ADAMTS3: variants seen among roughly 807,000 people sequenced by gnomAD.
ADAMTS3 encodes the protein A disintegrin and metalloproteinase with thrombospondin motifs 3.
ADAMTS3 carries 73 observed loss-of-function variants against 129.0 expected under a neutral mutation model. That is an observed-to-expected ratio of 0.57 (90% CI 0.47 to 0.69). The LOEUF (loss-of-function observed/expected upper bound fraction) is 0.69. Ranked by LOEUF, ADAMTS3 falls within the 30% of genes least tolerant of loss-of-function variation. ADAMTS3 has a pLI of 0.00. For missense variants in ADAMTS3, 1,457 were observed against 1,514.5 expected (o/e 0.96, Z 0.63); for synonymous variants, 477 against 510.8 (o/e 0.93, Z 0.89).
At chr4:72,415,528 T>C (rs1371306472) in intron 3 of ADAMTS3, among the ~76,000 whole-genome samples, 26 of 152,044 alleles carry the variant, frequency 1.7e-4, no homozygotes, top group Non-Finnish European at 7.4e-5. Flanking sequence ...TTCTAAAGTT[T>C]ATTCATTTGA....
At chr4:72,373,257 G>T (rs890971028) in intron 4 of ADAMTS3, among the ~76,000 whole-genome samples, 1 of 152,098 alleles carries the variant, frequency 6.6e-6, no homozygotes, top group Non-Finnish European at 1.5e-5. Flanking sequence ...TGACAAAAAA[G>T]CCAACAGAAG....
intron 3 of ADAMTS3, among the ~76,000 whole-genome samples, chr4:72,443,376 A>T (rs1177918960): frequency 6.6e-6 from 1 of 151,746 alleles, no homozygotes; most frequent in African/African-American, 2.4e-5. Context: ...AGTTGTATAT[A>T]CTGTTTAGTA....
At chr4:72,360,024 CA>C (rs1266033637) in intron 4 of ADAMTS3, among the ~76,000 whole-genome samples, 1 of 151,946 alleles carries the variant, frequency 6.6e-6, no homozygotes, top group Non-Finnish European at 1.5e-5. Context: ...ATGGAAAAGG[CA>C]ATTGTGGTTT....
intron 4 of ADAMTS3, among the ~76,000 whole-genome samples, chr4:72,347,795 C>A (rs530385942): frequency 6.6e-6 from 1 of 152,084 alleles, no homozygotes; most frequent in African/African-American, 2.4e-5. Context: ...TACTAGATTA[C>A]ATTCTAGTAA....
At chr4:72,513,143 A>G (rs1168985909) in intron 3 of ADAMTS3, among the ~76,000 whole-genome samples, 1 of 152,144 alleles carries the variant, frequency 6.6e-6, no homozygotes, top group Non-Finnish European at 1.5e-5. Flanking sequence ...CTGTCTTCTA[A>G]ACATCTCTGC....
chr4:72,401,462 T>C (rs1578648807), intron 4 of ADAMTS3, among the ~76,000 whole-genome samples: 1 of 144,670 alleles, frequency 6.9e-6, no homozygotes, highest in South Asian at 2.2e-4. Flanking sequence ...AGCTACTTGG[T>C]AGGCTGAGGT....
At chr4:72,526,568 T>TTG (rs1176903062) in intron 3 of ADAMTS3, among the ~76,000 whole-genome samples, 2 of 28,116 alleles carry the variant, frequency 7.1e-5, no homozygotes, top group African/African-American at 2.0e-4. Flanking sequence ...CTAATGAAAT[T>TTG]TATGTGTGTG....
intron 3 of ADAMTS3, among the ~76,000 whole-genome samples, chr4:72,547,008 T>C (rs978798046): frequency 1.3e-5 from 2 of 152,138 alleles, no homozygotes; most frequent in Non-Finnish European, 2.9e-5. Flanking sequence ...GTTGCTGAGA[T>C]GGAGAACGTA....
intron 4 of ADAMTS3, among the ~76,000 whole-genome samples, chr4:72,407,400 G>C (rs1451575927): frequency 2.0e-5 from 3 of 152,064 alleles, no homozygotes; most frequent in African/African-American, 4.8e-5. Flanking sequence ...CTTTTGGTGA[G>C]ACAAGAACCT....
intron 17 of ADAMTS3, among the ~76,000 whole-genome samples, chr4:72,301,415 C>G (rs1718946954): frequency 1.3e-5 from 2 of 152,064 alleles, no homozygotes. Flanking sequence ...ACAAAGAGCT[C>G]TCGAAACTCA....
At chr4:72,340,874 T>C (rs898926616) in intron 4 of ADAMTS3, among the ~76,000 whole-genome samples, 4 of 152,202 alleles carry the variant, frequency 2.6e-5, no homozygotes, top group African/African-American at 7.2e-5. Context: ...TTCATCTCCA[T>C]TTCAAGTATA....
chr4:72,457,447 T>C (rs148414348), intron 3 of ADAMTS3, among the ~76,000 whole-genome samples: 66 of 151,820 alleles, frequency 4.3e-4, no homozygotes, highest in Middle Eastern at 6.8e-3. Context: ...ACATGATTCT[T>C]TGAACTAGTT....
chr4:72,311,107 C>CCAGG lies in ADAMTS3; in HGVS notation c.1995_1996insCCTG (p.Asp666ProfsTer13). 2 of 1,612,766 alleles carry CCAGG rather than the reference C, an allele frequency of 1.2e-6. No individual in the cohort carries two copies. Among genetic ancestry groups the CCAGG allele is most frequent in the Non-Finnish European group, 1.7e-6 (2 of 1,179,106 alleles). On this transcript the variant is annotated frameshift_variant, in exon 14 of 22. Transcript: ENST00000286657. LOFTEE classifies it high-confidence loss of function. Reference sequence around the variant, plus strand: ...TCTTTGTAAGAACAGTGCGTTCCATCATGCACCAGTTGTTTCATGTAAGCA... The same window carrying CCAGG: ...TCTTTGTAAGAACAGTGCGTTCCATCCAGGATGCACCAGTTGTTTCATGTAAGCA...
At chr4:72,559,687 T>C (rs1188006776) in intron 2 of ADAMTS3, among the ~76,000 whole-genome samples, 1 of 151,824 alleles carries the variant, frequency 6.6e-6, no homozygotes, top group Non-Finnish European at 1.5e-5. Flanking sequence ...ATAACAATAG[T>C]TATGATTCTA....
rs558344046 is a variant in ADAMTS3 at position 72,318,536 on chromosome 4, G to A, written c.1485+36C>T. 1.6e-5 allele frequency: 26 copies of A among 1,604,462 alleles called. 1 individual carries two copies. Among genetic ancestry groups the A allele is most frequent in the East Asian group, 6.7e-5 (3 of 44,556 alleles). ...AGCAGGAGCTACACAAATAGATTTC[G>A]AGCTGCAAAATCTACATCAACTGTG... On this transcript the variant is annotated intron_variant, in intron 10 of 21. Coordinates refer to ENST00000286657, the MANE Select transcript of ADAMTS3 (RefSeq NM_014243.3).
chr4:72,382,919 G>C (rs1045569209), intron 4 of ADAMTS3, among the ~76,000 whole-genome samples: 2 of 152,092 alleles, frequency 1.3e-5, no homozygotes, highest in Admixed American at 1.3e-4. Context: ...CTACCGGTTA[G>C]GTACCATGTT....
At chr4:72,430,868 A>T (rs1722680937) in intron 3 of ADAMTS3, among the ~76,000 whole-genome samples, 1 of 151,616 alleles carries the variant, frequency 6.6e-6, no homozygotes, top group Admixed American at 6.6e-5. Flanking sequence ...GCTGGAATAG[A>T]AGATGAGTTC....
At chr4:72,363,293 A>C (rs1283551156) in intron 4 of ADAMTS3, among the ~76,000 whole-genome samples, 2 of 152,138 alleles carry the variant, frequency 1.3e-5, no homozygotes, top group Non-Finnish European at 2.9e-5. Flanking sequence ...AGAAATAAGA[A>C]GTATGAATTT....
At chr4:72,541,034 C>T (rs1721309202) in intron 3 of ADAMTS3, among the ~76,000 whole-genome samples, 1 of 152,146 alleles carries the variant, frequency 6.6e-6, no homozygotes, top group African/African-American at 2.4e-5. Flanking sequence ...ATGATATATC[C>T]ACCAACAGCT....
Sources: allele counts gnomAD v4.1 joint callset (sites outside exome capture counted in the v4.1 genomes callset), GRCh38; gene constraint gnomAD v4.1.1; transcripts MANE v1.5; gene names NCBI Gene and HGNC (gene_info 2026-07-23, HGNC 2026-07-21).